PRKRIP1: variants seen among roughly 807,000 people sequenced by gnomAD.
PRKRIP1 encodes the protein PRKR-interacting protein 1.
In PRKRIP1, 29 loss-of-function variants were observed where a neutral mutation model predicts 29.3. That is an observed-to-expected ratio of 0.99 (90% confidence interval 0.74 to 1.35). The LOEUF is 1.35. Among genes scored for constraint, PRKRIP1 ranks in the 40% most tolerant of loss-of-function variants. The probability of loss-of-function intolerance (pLI) is 0.00; values close to 1 mark genes in which losing one functional copy is unlikely to be tolerated. For missense variants in PRKRIP1, 247 were observed against 236.8 expected, an observed-to-expected ratio of 1.04 and a Z score of -0.28; for synonymous variants, 90 against 85.1, an observed-to-expected ratio of 1.06 and a Z score of -0.32.
intron 5 of PRKRIP1, among the ~76,000 whole-genome samples, chr7:102,407,863 C>T (rs782678937): frequency 4.6e-5 from 7 of 152,160 alleles, no homozygotes; most frequent in Admixed American, 1.3e-4. Context: ...CATCCCTCCT[C>T]GATCTTGTCC....
At chr7:102,421,992 G>C (rs1202249163) in intron 5 of PRKRIP1, among the ~76,000 whole-genome samples, 1 of 152,006 alleles carries the variant, frequency 6.6e-6, no homozygotes, top group Non-Finnish European at 1.5e-5. Context: ...GCACTTATGT[G>C]TGAATAAGTG....
chr7:102,425,132 G>T lies in PRKRIP1; in HGVS notation c.*21G>T. The stretch of plus-strand genomic sequence containing the variant: ...GATGACAATGTTTGCCACAGCCTCT[G>T]CCTGGAACCTGGCTCGTGCTGTGAC... On this transcript the variant is annotated 3_prime_UTR_variant, in exon 6 of 6. Transcript: ENST00000397912. 6.2e-7 allele frequency: 1 copy of T among 1,605,518 alleles called. No individual in the cohort carries two copies. The highest frequency in any genetic ancestry group is 1.1e-5 in the South Asian group (1 of 90,308).
chr7:102,407,267 T>G (rs1796255896), intron 4 of PRKRIP1, among the ~76,000 whole-genome samples, 167 bp from the exon 5 acceptor site: 1 of 151,902 alleles, frequency 6.6e-6, no homozygotes, highest in African/African-American at 2.4e-5. Context: ...ATTCCAGCAA[T>G]GCAAAAACGG....
intron 3 of PRKRIP1, among the ~76,000 whole-genome samples, chr7:102,402,999 C>A (rs980000500): frequency 2.9e-4 from 44 of 152,062 alleles, no homozygotes; most frequent in African/African-American, 1.0e-3. Context: ...CTCAGCCTCC[C>A]GAGTACCTGG....
intron 5 of PRKRIP1, among the ~76,000 whole-genome samples, chr7:102,421,374 GTCTCTAC>G (rs1796687548): frequency 6.6e-6 from 1 of 151,380 alleles, no homozygotes; most frequent in African/African-American, 2.4e-5. Context: ...TTGAGACCTC[GTCTCTAC>G]AAAAAATACA....
intron 3 of PRKRIP1, among the ~76,000 whole-genome samples, chr7:102,401,314 T>C (rs1290710095): frequency 6.6e-6 from 1 of 152,228 alleles, no homozygotes. Flanking sequence ...TATAATTCTT[T>C]TAACTTTTCT....
intron 5 of PRKRIP1, among the ~76,000 whole-genome samples, chr7:102,414,335 T>C (rs1199602594): frequency 3.3e-5 from 5 of 152,236 alleles, no homozygotes; most frequent in Admixed American, 1.3e-4. Flanking sequence ...TTAGTCTCCA[T>C]GTGCACATCA....
chr7:102,400,562 G>T (rs1796038786), intron 3 of PRKRIP1, among the ~76,000 whole-genome samples: 1 of 152,160 alleles, frequency 6.6e-6, no homozygotes, highest in African/African-American at 2.4e-5. Flanking sequence ...ACTGGGAAAA[G>T]ACGTATGAGG....
At chr7:102,406,495 G>T (rs1055723588) in intron 4 of PRKRIP1, among the ~76,000 whole-genome samples, 1 of 152,086 alleles carries the variant, frequency 6.6e-6, no homozygotes, top group Non-Finnish European at 1.5e-5. Flanking sequence ...CCCACTTACC[G>T]AGCTTTCTCA....
intron 5 of PRKRIP1, among the ~76,000 whole-genome samples, chr7:102,420,072 G>C (rs1244680224): frequency 6.6e-6 from 1 of 152,134 alleles, no homozygotes; most frequent in Non-Finnish European, 1.5e-5. Flanking sequence ...TTTTAGTGGA[G>C]ATGGGTTTTC....
rs782403855 is a variant in PRKRIP1, at chr7:102,404,671, G to A, written c.380G>A (p.Arg127His). ...KIAAEEQTAK[R>H]RKKRQKLKEK... ...GCTGCAGAGGAGCAGACCGCAAAGC[G>A]CCGGAAGAAGCGGTAAGCGGCATGG... Residue 127 changes from arginine to histidine, a missense_variant, in exon 4 of 6, where the codon CGC becomes CAC. By Grantham distance (29) the Arg-to-His change is conservative. Coordinates refer to ENST00000397912, the MANE Select transcript of PRKRIP1 (RefSeq NM_024653.4). The A allele has an allele frequency of 8.1e-6, 13 of 1,613,314 alleles. No homozygotes were observed. The East Asian group carries it at 1.6e-4, about 19-fold the overall frequency.
In PRKRIP1 at chr7:102,407,482, A is replaced by G. The variant is rs782419065; in HGVS notation, c.441A>G (p.Glu147=). ...KKLLAKKMKL[E]QKKQEGPGQP... ...TACTGGCAAAGAAGATGAAACTTGAACAGAAGAAACAAGAAGGTGAGTGGT... is the reference window on the plus strand; with the variant it reads ...TACTGGCAAAGAAGATGAAACTTGAGCAGAAGAAACAAGAAGGTGAGTGGT... Residue 147 remains glutamate (E), a synonymous_variant, in exon 5 of 6, where the codon GAA becomes GAG. Transcript: ENST00000397912. The G allele has an allele frequency of 4.4e-5, 71 of 1,613,016 alleles. No homozygotes were observed. Among genetic ancestry groups the G allele is most frequent in the Non-Finnish European group, 5.7e-5 (67 of 1,179,092 alleles).
At chr7:102,411,941 G>GT (rs1204261246) in intron 5 of PRKRIP1, among the ~76,000 whole-genome samples, 2 of 33,418 alleles carry the variant, frequency 6.0e-5, no homozygotes, top group East Asian at 5.5e-3. Flanking sequence ...TTGTTGTTTT[G>GT]TTTGTTTGTT....
intron 5 of PRKRIP1, chr7:102,423,516 A>G: frequency 4.5e-6 from 1 of 220,764 alleles, no homozygotes; most frequent in Admixed American, 5.2e-5. Flanking sequence ...CTCGAGCAGC[A>G]AGTTCCTCCA....
intron 5 of PRKRIP1, among the ~76,000 whole-genome samples, chr7:102,422,129 T>C (rs887780576): frequency 1.3e-5 from 2 of 148,826 alleles, no homozygotes; most frequent in Non-Finnish European, 1.5e-5. Flanking sequence ...TACACAACTG[T>C]GTTTCATACA....
intron 2 of PRKRIP1, among the ~76,000 whole-genome samples, chr7:102,398,432 G>A (rs899794737): frequency 6.6e-6 from 1 of 151,868 alleles, no homozygotes. Flanking sequence ...CTACAGGCCC[G>A]TGCCACCATG....
chr7:102,416,845 A>C (rs782682759), intron 5 of PRKRIP1, among the ~76,000 whole-genome samples: 5 of 151,168 alleles, frequency 3.3e-5, no homozygotes, highest in Non-Finnish European at 7.4e-5. Flanking sequence ...ACACCCTGCT[A>C]ATTTTGGTGT....
intron 5 of PRKRIP1, among the ~76,000 whole-genome samples, chr7:102,408,462 C>T (rs537773143): frequency 1.3e-5 from 2 of 152,276 alleles, no homozygotes; most frequent in East Asian, 1.9e-4. Context: ...AGCATCCCAC[C>T]GTGCTGCCAA....
chr7:102,404,285 G>A lies in PRKRIP1; in HGVS notation c.307-313G>A, dbSNP rs571613518. ...AGCTCTGGGCAGTATCCAAGGCCCCGGCTGAGCAGATGGTGAGCGCTGCCC... is the reference window on the plus strand; with the variant it reads ...AGCTCTGGGCAGTATCCAAGGCCCCAGCTGAGCAGATGGTGAGCGCTGCCC... On this transcript the variant is annotated intron_variant, in intron 3 of 5. Coordinates refer to ENST00000397912, the MANE Select transcript of PRKRIP1 (RefSeq NM_024653.4). The A allele has an allele frequency of 1.6e-4, 37 of 234,356 alleles. No individual in the cohort carries two copies. In the South Asian group the frequency reaches 3.1e-3, roughly 20 times the overall value. The allele number at this position is 234,356 out of a possible 1,614,324, so 14.5% of individuals were successfully genotyped here. A position where few individuals can be genotyped will look rare whatever the true frequency, so the allele number is the denominator to read the frequency against.
Sources: gnomAD v4.1 joint callset for allele counts (sites outside exome capture counted in the v4.1 genomes callset) on GRCh38, gnomAD v4.1.1 for gene constraint, MANE v1.5 for transcripts, NCBI Gene and HGNC (gene_info 2026-07-23, HGNC 2026-07-21) for gene names.